The following NUP43 variants were observed in gnomAD, a reference collection of about 807,000 sequenced individuals.
The protein encoded by NUP43 is nucleoporin Nup43.
NUP43 carries 32 observed loss-of-function variants against 47.3 expected under a neutral mutation model. That is an observed-to-expected ratio of 0.68 (90% CI 0.51 to 0.91). The LOEUF (loss-of-function observed/expected upper bound fraction) is 0.91. NUP43 is among the 40% of genes least tolerant of loss of function. NUP43 has a pLI of 0.00. For synonymous variants in NUP43, 147 were observed against 158.4 expected (o/e 0.93, Z 0.54); for missense variants, 444 against 453.9 (o/e 0.98, Z 0.20).
chr6:149,730,679 G>T (rs1458080724), intron 7 of NUP43, among the ~76,000 whole-genome samples: 2 of 152,108 alleles, frequency 1.3e-5, no homozygotes, highest in African/African-American at 4.8e-5. Flanking sequence ...GCTTATAATT[G>T]CAATACCTCG....
intron 6 of NUP43, among the ~76,000 whole-genome samples, chr6:149,735,422 AT>A (rs1301628620): frequency 1.3e-5 from 2 of 151,898 alleles, no homozygotes; most frequent in African/African-American, 2.4e-5. Context: ...TGGCCTAGCA[AT>A]TCTACTTCTA....
chr6:149,737,339 G>A (rs1490124137), intron 5 of NUP43, among the ~76,000 whole-genome samples: 1 of 151,784 alleles, frequency 6.6e-6, no homozygotes, highest in Non-Finnish European at 1.5e-5. Flanking sequence ...AGGCTACAGT[G>A]CAATGGCCTA....
intron 2 of NUP43, among the ~76,000 whole-genome samples, chr6:149,743,997 G>T (rs1009705643): frequency 2.6e-5 from 4 of 152,140 alleles, no homozygotes; most frequent in Non-Finnish European, 5.9e-5. Flanking sequence ...TTCCTGGCTG[G>T]GTGCAGTGGC....
At position 149,734,044 on chromosome 6, in the gene NUP43, G is replaced by A. The variant is rs1292864319; in HGVS notation, c.791-2309C>T. 4.0e-5 allele frequency among the ~76,000 whole-genome samples: 6 copies of A among 151,364 alleles called. No individual in the cohort carries two copies. In the East Asian group the frequency reaches 7.8e-4, roughly 20 times the overall value. ...TCTCCATGTTGGTCAGGCTGGTCTC[G>A]AACTCCTGACCTCAGGTGATCCACC... On this transcript the variant is annotated intron_variant, in intron 6 of 7. Transcript: ENST00000340413.
At chr6:149,747,611 T>C (rs948533872), upstream of NUP43, among the ~76,000 whole-genome samples, 1 of 152,158 alleles carries the variant, frequency 6.6e-6, no homozygotes, top group Non-Finnish European at 1.5e-5. Flanking sequence ...ACATATATTT[T>C]GGATATATCT....
chr6:149,728,906 CCTCACCCCTGTCT>C (rs1784907287), intron 7 of NUP43, among the ~76,000 whole-genome samples: 1 of 152,192 alleles, frequency 6.6e-6, no homozygotes, highest in African/African-American at 2.4e-5. Flanking sequence ...GAGTAGCTCC[CCTCACCCCTGTCT>C]TTATTCTTTA....
intron 2 of NUP43, 115 bp downstream of exon 2, chr6:149,745,825 C>T (rs1785960282): frequency 1.2e-6 from 1 of 827,554 alleles, no homozygotes; most frequent in African/African-American, 1.7e-5. Flanking sequence ...ACTTACAGAG[C>T]ACTCAGTTTT....
chr6:149,738,323 G>A (rs537978600), intron 5 of NUP43, among the ~76,000 whole-genome samples: 30 of 152,088 alleles, frequency 2.0e-4, no homozygotes, highest in Admixed American at 1.6e-3. Context: ...AAAAATATTT[G>A]GAATTATATT....
intron 7 of NUP43, chr6:149,728,527 T>G: frequency 4.3e-6 from 3 of 690,708 alleles, no homozygotes; most frequent in Non-Finnish European, 5.4e-6. Context: ...TGTTTATCTT[T>G]TACTGCCCCT....
chr6:149,727,672 T>C, intron 7 of NUP43: 4 of 794,170 alleles, frequency 5.0e-6, no homozygotes, highest in Non-Finnish European at 6.1e-6. Context: ...ATATATTTGT[T>C]ACTATATTTC....
chr6:149,727,240 T>G (rs1271204933), intron 7 of NUP43, 42 bp from the exon 8 acceptor site: 1 of 1,578,108 alleles, frequency 6.3e-7, no homozygotes, highest in East Asian at 2.3e-5. Flanking sequence ...TCAAGATGAT[T>G]TTTATATTAG....
chr6:149,735,619 A>C (rs532627624), intron 6 of NUP43, among the ~76,000 whole-genome samples: 7 of 150,412 alleles, frequency 4.7e-5, no homozygotes, highest in Non-Finnish European at 8.9e-5. Context: ...AAAAAAAAAA[A>C]ACACACACAG....
Position 149,736,538 on chromosome 6 carries a change from C to T in NUP43, c.723G>A (p.Met241Ile), listed in dbSNP as rs559482812. Residue 241 changes from methionine to isoleucine, a missense_variant, in exon 6 of 8, where the codon ATG (methionine) becomes ATA (isoleucine). Met to Ile is a conservative substitution (Grantham distance 10). Transcript: ENST00000340413. ...HVVATGGQDG[M>I]LSIWDVRQGT... Reference sequence around the variant, plus strand: ...CTTGTCTAACATCCCAAATACTCAACATTCCATCTTGGCCACCAGTAGCTA... The same window carrying T: ...CTTGTCTAACATCCCAAATACTCAATATTCCATCTTGGCCACCAGTAGCTA... 12 of 1,612,240 alleles carry T rather than the reference C, an allele frequency of 7.4e-6. No homozygotes were observed. The South Asian group carries it at 1.2e-4, about 16-fold the overall frequency.
intron 6 of NUP43, among the ~76,000 whole-genome samples, 187 bp from the exon 7 acceptor site, chr6:149,731,922 C>A (rs1353373949): frequency 6.6e-6 from 1 of 152,042 alleles, no homozygotes; most frequent in African/African-American, 2.4e-5. Flanking sequence ...ATGGCTATAA[C>A]ACATAGAAAG....
At chr6:149,743,283 T>C (rs1271829187) in intron 3 of NUP43, among the ~76,000 whole-genome samples, 3 of 152,006 alleles carry the variant, frequency 2.0e-5, no homozygotes. Context: ...GGGACTTATA[T>C]TAACTAGGCA....
rs1235682070 is a variant in NUP43, at chr6:149,726,012, T to C, written c.*957A>G. On this transcript the variant is annotated 3_prime_UTR_variant, in exon 8 of 8. Coordinates refer to ENST00000340413, the MANE Select transcript of NUP43 (RefSeq NM_198887.3). The stretch of plus-strand genomic sequence containing the variant: ...TGTCCAGTTTGGCAACTTTCAGCTA[T>C]GCTGTGAAGCTAAACAAAAGCAAAG... 2 of 152,242 alleles carry C rather than the reference T, an allele frequency of 1.3e-5. No individual in the cohort carries two copies. The highest frequency in any genetic ancestry group is 2.9e-5 in the Non-Finnish European group (2 of 68,046). The allele number at this position is 152,242 out of a possible 1,614,324, so 9.4% of individuals were successfully genotyped here. A position where few individuals can be genotyped will look rare whatever the true frequency, so the allele number is the denominator to read the frequency against.
intron 7 of NUP43, chr6:149,728,418 A>G: frequency 1.0e-6 from 1 of 984,694 alleles, no homozygotes. Context: ...TTCTCTGTAG[A>G]TGAAGTTATA....
Position 149,736,533 on chromosome 6 carries a change from C to T in NUP43, c.728G>A (p.Ser243Asn), listed in dbSNP as rs780922791. The change falls in exon 6 of 8, where the codon AGT (serine) becomes AAT (asparagine). Residue 243 changes from serine (S) to asparagine (N), a missense_variant. Coordinates refer to ENST00000340413, the MANE Select transcript of NUP43 (RefSeq NM_198887.3). ...VATGGQDGML[S>N]IWDVRQGTMP... ...AGTACCTTGTCTAACATCCCAAATA[C>T]TCAACATTCCATCTTGGCCACCAGT... The T allele has an allele frequency of 1.2e-6, 2 of 1,612,070 alleles. No homozygotes were observed. Among genetic ancestry groups the T allele is most frequent in the Non-Finnish European group, 1.7e-6 (2 of 1,178,320 alleles).
chr6:149,741,905 G>C (rs1332782468), intron 4 of NUP43, among the ~76,000 whole-genome samples: 1 of 151,680 alleles, frequency 6.6e-6, no homozygotes, highest in Admixed American at 6.6e-5. Context: ...TGTCACCCAG[G>C]TGGGACTGCA....
Sources: gnomAD v4.1 joint callset for allele counts (sites outside exome capture counted in the v4.1 genomes callset) on GRCh38, gnomAD v4.1.1 for gene constraint, MANE v1.5 for transcripts, NCBI Gene and HGNC (gene_info 2026-07-23, HGNC 2026-07-21) for gene names.